The following ABCC4 variants were observed in gnomAD, a reference collection of about 807,000 sequenced individuals.
ABCC4 encodes the protein ATP binding cassette subfamily C member 4 (PEL blood group), also known as ATP-binding cassette sub-family C member 4.
A neutral mutation model predicts 168.5 loss-of-function variants in ABCC4; 102 were observed. That is an observed-to-expected ratio of 0.61 (90% CI 0.52 to 0.71). The LOEUF (loss-of-function observed/expected upper bound fraction) is 0.71, where lower values mean the gene tolerates loss of function less well. Ranked by LOEUF, ABCC4 falls within the 30% of genes least tolerant of loss-of-function variation. The pLI is 0.00. For missense variants in ABCC4, 1,402 were observed against 1,605.8 expected (o/e 0.87, Z 2.17); for synonymous variants, 617 against 590.7 (o/e 1.04, Z -0.65).
At chr13:95,206,056 C>A (rs1046939642) in intron 8 of ABCC4, among the ~76,000 whole-genome samples, 3 of 152,194 alleles carry the variant, frequency 2.0e-5, no homozygotes, top group African/African-American at 7.2e-5. Flanking sequence ...AAAACATCTA[C>A]AGAGGAAAGA....
At chr13:95,046,032 A>T (rs1301803307) in intron 27 of ABCC4, among the ~76,000 whole-genome samples, 1 of 152,196 alleles carries the variant, frequency 6.6e-6, no homozygotes, top group Non-Finnish European at 1.5e-5. Context: ...CTCGTGGTGC[A>T]AAATGTTACC....
chr13:95,162,836 A>T (rs1046686729), intron 18 of ABCC4, among the ~76,000 whole-genome samples: 3 of 152,202 alleles, frequency 2.0e-5, no homozygotes, highest in Non-Finnish European at 4.4e-5. Flanking sequence ...AAAGCAACCT[A>T]TTAGAATAGA....
intron 19 of ABCC4, among the ~76,000 whole-genome samples, chr13:95,127,243 C>G (rs1020299685): frequency 3.2e-4 from 49 of 152,062 alleles, no homozygotes; most frequent in Admixed American, 3.3e-4. Flanking sequence ...TCATCATCGT[C>G]TTTTCGAGAT....
At chr13:95,066,394 T>C (rs2033546669) in intron 25 of ABCC4, among the ~76,000 whole-genome samples, 1 of 151,720 alleles carries the variant, frequency 6.6e-6, no homozygotes, top group Non-Finnish European at 1.5e-5. Context: ...TACTACTTTG[T>C]TTCTTCTACT....
chr13:95,155,955 ACT>A (rs2036840401), intron 19 of ABCC4, among the ~76,000 whole-genome samples: 1 of 152,222 alleles, frequency 6.6e-6, no homozygotes. Context: ...GTCTCTGCTA[ACT>A]CTGTTGGCGT....
At chr13:95,142,269 G>T (rs2036343333) in intron 19 of ABCC4, among the ~76,000 whole-genome samples, 1 of 152,158 alleles carries the variant, frequency 6.6e-6, no homozygotes, top group African/African-American at 2.4e-5. Flanking sequence ...ATGAATTAAT[G>T]GCATTTGCAG....
intron 4 of ABCC4, among the ~76,000 whole-genome samples, chr13:95,217,318 C>T (rs1202730652): frequency 6.6e-6 from 1 of 152,178 alleles, no homozygotes; most frequent in Non-Finnish European, 1.5e-5. Context: ...GAGAGAATGA[C>T]CTTTTCATGG....
At chr13:95,247,606 C>G (rs372107031) in intron 2 of ABCC4, 37 bp downstream of exon 2, 1 of 1,529,882 alleles carries the variant, frequency 6.5e-7, no homozygotes, top group Non-Finnish European at 9.0e-7. Flanking sequence ...CAGACACCCA[C>G]GCTTCCTTAA....
intron 29 of ABCC4, among the ~76,000 whole-genome samples, chr13:95,040,872 T>G (rs2032327787): frequency 6.6e-6 from 1 of 152,226 alleles, no homozygotes; most frequent in Non-Finnish European, 1.5e-5. Flanking sequence ...AGCTACAATC[T>G]GAATTTCTCA....
At chr13:95,101,351 C>T (rs1036225898) in intron 20 of ABCC4, among the ~76,000 whole-genome samples, 2 of 150,992 alleles carry the variant, frequency 1.3e-5, no homozygotes, top group South Asian at 2.1e-4. Context: ...AGTCAAGCTG[C>T]TGATTTTTTT....
chr13:95,290,069 C>T (rs995921349), intron 1 of ABCC4, among the ~76,000 whole-genome samples: 3 of 151,374 alleles, frequency 2.0e-5, no homozygotes, highest in African/African-American at 7.3e-5. Flanking sequence ...CCACTCCAGC[C>T]TGGGCAACAA....
chr13:95,097,762 TAA>T (rs34194621), intron 20 of ABCC4, among the ~76,000 whole-genome samples: 214 of 148,438 alleles, frequency 1.4e-3, no homozygotes, highest in African/African-American at 4.3e-3. Context: ...TAAGGTTTTT[TAA>T]AAAAAAAAAA....
chr13:95,192,196 T>C (rs1566510682), intron 9 of ABCC4, among the ~76,000 whole-genome samples: 1 of 152,188 alleles, frequency 6.6e-6, no homozygotes, highest in Non-Finnish European at 1.5e-5. Context: ...CAATACCTGC[T>C]GGTCTATCCA....
chr13:95,256,278 G>T (rs560870367), intron 1 of ABCC4, among the ~76,000 whole-genome samples: 1 of 152,122 alleles, frequency 6.6e-6, no homozygotes, highest in Non-Finnish European at 1.5e-5. Context: ...CAAGTTATGC[G>T]GCTGACTCAT....
intron 4 of ABCC4, among the ~76,000 whole-genome samples, chr13:95,216,257 T>A (rs2039106115): frequency 6.6e-6 from 1 of 152,176 alleles, no homozygotes; most frequent in South Asian, 2.1e-4. Flanking sequence ...TAAAGTTTGG[T>A]TCCAATAAAG....
At chr13:95,283,882 G>A (rs1283702946) in intron 1 of ABCC4, among the ~76,000 whole-genome samples, 2 of 147,088 alleles carry the variant, frequency 1.4e-5, no homozygotes, top group African/African-American at 5.0e-5. Flanking sequence ...TGGGCAACAA[G>A]AGCGAAACTC....
chr13:95,024,206 CA>C (rs71207428), intron 30 of ABCC4, among the ~76,000 whole-genome samples: 1,930 of 43,940 alleles, frequency 0.044, 23 homozygotes, highest in African/African-American at 0.12. Flanking sequence ...GAGACTGTCT[CA>C]AAAAAAAAAA....
intron 1 of ABCC4, among the ~76,000 whole-genome samples, chr13:95,289,509 G>C (rs1386540448): frequency 6.6e-6 from 1 of 152,058 alleles, no homozygotes; most frequent in Admixed American, 6.6e-5. Flanking sequence ...CCTCAACAAG[G>C]GGTTACTATA....
chr13:95,182,840 A>C (rs1460096104), intron 11 of ABCC4, among the ~76,000 whole-genome samples: 1 of 152,208 alleles, frequency 6.6e-6, no homozygotes, highest in Non-Finnish European at 1.5e-5. Flanking sequence ...TAACATTAGT[A>C]TGTTGTTTCC....
Sources: allele counts gnomAD v4.1 joint callset (sites outside exome capture counted in the v4.1 genomes callset), GRCh38; gene constraint gnomAD v4.1.1; transcripts MANE v1.5; gene names NCBI Gene and HGNC (gene_info 2026-07-23, HGNC 2026-07-21).